Variants in PDK1 observed in about 807,000 individuals in gnomAD.
The protein encoded by PDK1 is [Pyruvate dehydrogenase (acetyl-transferring)] kinase isozyme 1, mitochondrial.
In PDK1, 39 loss-of-function variants were observed where a neutral mutation model predicts 54.2. That is an observed-to-expected ratio of 0.72 (90% CI 0.56 to 0.94). The LOEUF is 0.94. Among genes scored for constraint, PDK1 ranks in the 40% least tolerant of loss-of-function variants. The probability of loss-of-function intolerance (pLI) is 0.00; values close to 1 mark genes in which losing one functional copy is unlikely to be tolerated. For synonymous variants in PDK1, 221 were observed against 207.1 expected (o/e 1.07, Z -0.58); for missense variants, 552 against 566.0 (o/e 0.98, Z 0.25).
the PDK1 span, among the ~76,000 whole-genome samples, chr2:172,690,738 A>C: frequency 6.7e-6 from 1 of 149,778 alleles, no homozygotes; most frequent in African/African-American, 2.4e-5. Flanking sequence ...ATTCTCAGCA[A>C]ACTGTCACAA....
intron 8 of PDK1, among the ~76,000 whole-genome samples, chr2:172,571,279 A>G (rs761467855): frequency 2.6e-5 from 4 of 152,236 alleles, no homozygotes; most frequent in Non-Finnish European, 5.9e-5. Flanking sequence ...TCAGGATCAC[A>G]CAGGGCAGAA....
the PDK1 span, among the ~76,000 whole-genome samples, chr2:172,708,588 A>G: frequency 6.6e-6 from 1 of 152,218 alleles, no homozygotes; most frequent in Non-Finnish European, 1.5e-5. Context: ...AAATCCTGGG[A>G]AAAACAGCCA....
chr2:172,621,918 A>G, the PDK1 span, among the ~76,000 whole-genome samples: 8 of 141,664 alleles, frequency 5.6e-5, no homozygotes, highest in African/African-American at 1.4e-4. Flanking sequence ...TATATCTCCT[A>G]TATGATATAT....
chr2:172,613,258 G>GTGGCCT (rs1013909786), downstream of PDK1, among the ~76,000 whole-genome samples: 20 of 152,334 alleles, frequency 1.3e-4, no homozygotes, highest in African/African-American at 4.1e-4. Context: ...CCCTAGGGGT[G>GTGGCCT]TGGCCTTGCG....
In PDK1 at chr2:172,558,926, A is replaced by G. The variant is rs115189318; in HGVS notation, c.338+77A>G. 1.1e-3 allele frequency: 1,395 copies of G among 1,320,010 alleles called. 18 individuals are homozygous for G. The African/African-American group carries it at 0.018, about 17-fold the overall frequency. The allele number at this position is 1,320,010 out of a possible 1,614,324, so 81.8% of individuals were successfully genotyped here. On this transcript the variant is annotated intron_variant, in intron 2 of 10. Coordinates refer to ENST00000282077, the MANE Select transcript of PDK1 (RefSeq NM_002610.5). The stretch of plus-strand genomic sequence containing the variant: ...AAGGTTACAGCAAATGCTTTTTTTT[A>G]CTCTTTGGTGGAATCTTTTTTGTTT...
At chr2:172,562,058 T>C (rs74320562) in intron 2 of PDK1, among the ~76,000 whole-genome samples, 162 bp from the exon 3 acceptor site, 2,715 of 152,310 alleles carry the variant, frequency 0.018, 86 homozygotes, top group African/African-American at 0.062. Flanking sequence ...AGCACTTTGC[T>C]TGAATGTGCA....
chr2:172,623,567 A>G, the PDK1 span, among the ~76,000 whole-genome samples: 1 of 152,238 alleles, frequency 6.6e-6, no homozygotes, highest in Admixed American at 6.5e-5. Flanking sequence ...ATGTAGTAAT[A>G]AAACACCTAA....
chr2:172,564,398 A>G (rs556804830), intron 3 of PDK1, 105 bp from the exon 4 acceptor site: 77 of 832,370 alleles, frequency 9.3e-5, no homozygotes, highest in Admixed American at 2.4e-4. Flanking sequence ...TTTTCCTTTT[A>G]TTAAATTGGG....
chr2:172,567,658 A>G (rs1290070071), intron 6 of PDK1, among the ~76,000 whole-genome samples: 1 of 152,272 alleles, frequency 6.6e-6, no homozygotes, highest in Non-Finnish European at 1.5e-5. Flanking sequence ...CTTTTGAGCC[A>G]TGATGGTAGC....
chr2:172,654,432 A>T, the PDK1 span, among the ~76,000 whole-genome samples: 6 of 147,100 alleles, frequency 4.1e-5, no homozygotes, highest in African/African-American at 1.6e-4. Flanking sequence ...ATGCAGCATT[A>T]AAAAAGGATG....
intron 9 of PDK1, among the ~76,000 whole-genome samples, chr2:172,587,718 T>A (rs1690332875): frequency 6.6e-6 from 1 of 150,434 alleles, no homozygotes; most frequent in Admixed American, 6.7e-5. Flanking sequence ...TGCTGATTGG[T>A]CTATTTTATA....
intron 10 of PDK1, among the ~76,000 whole-genome samples, chr2:172,595,047 A>C (rs1690814544): frequency 6.6e-6 from 1 of 152,182 alleles, no homozygotes; most frequent in Non-Finnish European, 1.5e-5. Context: ...TCTATTTATT[A>C]ATAATGTTAT....
chr2:172,558,360 G>A (rs1179794687), intron 1 of PDK1: 2 of 183,306 alleles, frequency 1.1e-5, no homozygotes, highest in African/African-American at 4.7e-5. Flanking sequence ...GACTTTTCCA[G>A]GTTCTGCTGT....
intron 8 of PDK1, among the ~76,000 whole-genome samples, chr2:172,580,588 C>CTATGAATTTTT (rs1558944976): frequency 6.6e-6 from 1 of 152,024 alleles, no homozygotes; most frequent in Non-Finnish European, 1.5e-5. Context: ...CATAATGACC[C>CTATGAATTTTT]AGCAATCCTA....
the PDK1 span, among the ~76,000 whole-genome samples, chr2:172,657,652 G>C: frequency 4.6e-5 from 7 of 152,070 alleles, no homozygotes; most frequent in Non-Finnish European, 7.4e-5. Context: ...GCAGGTGCAA[G>C]AAGATCACTC....
At chr2:172,634,262 A>ATATTATTATTATTATTATTATTATTAT in the PDK1 span, among the ~76,000 whole-genome samples, 15,529 of 139,226 alleles carry the variant, frequency 0.11, 1,034 homozygotes, top group Middle Eastern at 0.14. Flanking sequence ...AAATCTATTT[A>ATATTATTATTATTATTATTATTATTAT]TATTATTATT....
chr2:172,569,721 TA>T (rs1368777493), intron 7 of PDK1, among the ~76,000 whole-genome samples: 27 of 152,362 alleles, frequency 1.8e-4, no homozygotes, highest in Non-Finnish European at 7.3e-5. Context: ...ATATTTATTT[TA>T]TTTTTTGTAG....
the PDK1 span, among the ~76,000 whole-genome samples, chr2:172,685,012 G>A: frequency 6.6e-6 from 1 of 152,154 alleles, no homozygotes; most frequent in South Asian, 2.1e-4. Flanking sequence ...TTTTATAAGT[G>A]TTTGGAAGTT....
Position 172,604,007 on chromosome 2 carries a change from A to T in PDK1, c.*8038A>T, listed in dbSNP as rs1190277048. 6.6e-6 allele frequency: 1 copy of T among 152,216 alleles called. No individual in the cohort carries two copies. Among genetic ancestry groups the T allele is most frequent in the Non-Finnish European group, 1.5e-5 (1 of 68,046 alleles). The allele number at this position is 152,216 out of a possible 1,614,324, so 9.4% of individuals were successfully genotyped here. On this transcript the variant is annotated 3_prime_UTR_variant, in exon 11 of 11. Transcript: ENST00000282077. ...AAAAAATTCTGAGATTTGGATTGTG[A>T]TGTGTTAAATTTCTAGACCAATTTG...
Sources: allele counts gnomAD v4.1 joint callset (sites outside exome capture counted in the v4.1 genomes callset), GRCh38; gene constraint gnomAD v4.1.1; transcripts MANE v1.5; gene names NCBI Gene and HGNC (gene_info 2026-07-23, HGNC 2026-07-21).